The following PIK3R1 variants were observed in gnomAD, a reference collection of about 807,000 sequenced individuals.
PIK3R1 encodes the protein phosphatidylinositol 3-kinase regulatory subunit alpha.
Under a neutral mutation model 98.0 loss-of-function variants are expected in PIK3R1, and 29 were observed. The ratio of observed to expected loss-of-function variants is 0.30; its 90% CI spans 0.22 to 0.40. The LOEUF is 0.40. PIK3R1 is among the 10% of genes least tolerant of loss of function. The pLI, the probability that PIK3R1 is intolerant of heterozygous loss-of-function variation, is 1.00. For missense variants in PIK3R1, 596 were observed against 872.7 expected (o/e 0.68, Z 3.99); for synonymous variants, 282 against 311.8 (o/e 0.90, Z 1.01).
rs80193740 is a variant in PIK3R1, at chr5:68,300,378, C to T, written c.*2777C>T. ...GACAGTCCTAACAATATTGTCTGAACGGCTGAATATGAATAGATACAGCAG... is the reference window on the plus strand; with the variant it reads ...GACAGTCCTAACAATATTGTCTGAATGGCTGAATATGAATAGATACAGCAG... On this transcript the variant is annotated 3_prime_UTR_variant, in exon 16 of 16. Transcript: ENST00000521381. 0.014 allele frequency: 3,239 copies of T among 232,762 alleles called. 35 individuals carry two copies. Among genetic ancestry groups the T allele is most frequent in the Middle Eastern group, 0.023 (18 of 786 alleles). 14.4% of individuals were successfully genotyped at this position (232,762 alleles called of 1,614,324 possible).
At chr5:68,261,872 C>T (rs1029283481) in intron 2 of PIK3R1, among the ~76,000 whole-genome samples, 2 of 152,118 alleles carry the variant, frequency 1.3e-5, no homozygotes, top group African/African-American at 4.8e-5. Context: ...AACTCCCTCC[C>T]GTGGTTCAGA....
At chr5:68,295,636 C>T (rs1256278181) in intron 14 of PIK3R1, 148 bp downstream of exon 14, 1 of 679,754 alleles carries the variant, frequency 1.5e-6, no homozygotes, top group Non-Finnish European at 2.6e-6. Context: ...TGCCATTATC[C>T]AGAATTTTAA....
chr5:68,257,857 T>C (rs1477270145), intron 2 of PIK3R1, among the ~76,000 whole-genome samples: 1 of 152,234 alleles, frequency 6.6e-6, no homozygotes, highest in African/African-American at 2.4e-5. Flanking sequence ...TAATTTTTGA[T>C]TCAGTACCTT....
chr5:68,222,578 G>A (rs1009488797), intron 1 of PIK3R1, among the ~76,000 whole-genome samples: 8 of 152,134 alleles, frequency 5.3e-5, no homozygotes, highest in South Asian at 2.1e-4. Flanking sequence ...GACTTCTTTC[G>A]CAGGGACACA....
At position 68,299,912 on chromosome 5, in the gene PIK3R1, G is replaced by A. The variant is rs955084026; in HGVS notation, c.*2311G>A. ...ACAACTGACGATTTCCCTGGTTTTA[G>A]TCTGCGTCTCTGCTTTAAAGTTATT... On this transcript the variant is annotated 3_prime_UTR_variant, in exon 16 of 16. Coordinates refer to ENST00000521381, the MANE Select transcript of PIK3R1 (RefSeq NM_181523.3). 1 of 233,024 alleles carries A rather than the reference G, an allele frequency of 4.3e-6. No homozygotes were observed. The highest frequency in any genetic ancestry group is 2.2e-5 in the African/African-American group (1 of 45,312). 14.4% of individuals were successfully genotyped at this position (233,024 alleles called of 1,614,324 possible). A position where few individuals can be genotyped will look rare whatever the true frequency, so the allele number is the denominator to read the frequency against.
chr5:68,292,719 G>T (rs1370455603), intron 8 of PIK3R1: 5 of 1,272,320 alleles, frequency 3.9e-6, no homozygotes, highest in Non-Finnish European at 3.0e-6. Context: ...GCTTTGGGAA[G>T]GGGGAGTAAG....
In PIK3R1 at chr5:68,226,348, A is replaced by G; in HGVS notation, c.-328A>G. The G allele has an allele frequency of 2.3e-6, 1 of 441,950 alleles. No homozygotes were observed. Among genetic ancestry groups the G allele is most frequent in the East Asian group, 3.2e-5 (1 of 31,662 alleles). The allele number at this position is 441,950 out of a possible 1,614,324, so 27.4% of individuals were successfully genotyped here. On this transcript the variant is annotated 5_prime_UTR_variant, in exon 2 of 16. Transcript: ENST00000521381. ...CAGACGACAGATGGACAGTGTGACA[A>G]AAGTGTCAGAAAGGATTGGGCCTCG...
In PIK3R1 at chr5:68,255,515, A is replaced by C. The variant is rs76696690; in HGVS notation, c.335-17875A>C. Among the ~76,000 whole-genome samples the C allele has an allele frequency of 3.5e-3, 539 of 152,302 alleles. 3 individuals carry two copies. Among genetic ancestry groups the C allele is most frequent in the African/African-American group, 0.013 (528 of 41,566 alleles). ...TGCATTAATTTGAAGCCCTGCCCCC[A>C]AAAATAGTGCTTGGGGGGGAAATGA... is the stretch of plus-strand genomic sequence containing the variant. On this transcript the variant is annotated intron_variant, in intron 2 of 15. Transcript: ENST00000521381.
chr5:68,271,672 G>A (rs114969018), intron 2 of PIK3R1, among the ~76,000 whole-genome samples: 1 of 152,308 alleles, frequency 6.6e-6, no homozygotes, highest in African/African-American at 2.4e-5. Flanking sequence ...GAGCACAGCT[G>A]TAGAACATTT....
intron 2 of PIK3R1, among the ~76,000 whole-genome samples, chr5:68,261,583 C>G (rs1042060669): frequency 3.3e-5 from 5 of 151,744 alleles, no homozygotes; most frequent in Non-Finnish European, 7.4e-5. Context: ...TTAAATGGCC[C>G]CAAAAAGTAA....
chr5:68,273,946 A>G lies in PIK3R1; in HGVS notation c.435A>G (p.Glu145=). ...GTCTGTTTTGTGTCCTAGGTCTGGA[A>G]TGTTCAACTCTATACAGAACACAGA... ...LVEAIEKKGL[E]CSTLYRTQSS... Residue 145 remains glutamate (E), a synonymous_variant, in exon 4 of 16, where the codon GAA becomes GAG. Coordinates refer to ENST00000521381, the MANE Select transcript of PIK3R1 (RefSeq NM_181523.3). 1.2e-6 allele frequency: 2 copies of G among 1,613,634 alleles called. No individual in the cohort carries two copies. Among genetic ancestry groups the G allele is most frequent in the Non-Finnish European group, 1.7e-6 (2 of 1,179,532 alleles).
At chr5:68,253,864 G>A (rs1158189813) in intron 2 of PIK3R1, among the ~76,000 whole-genome samples, 2 of 152,110 alleles carry the variant, frequency 1.3e-5, no homozygotes, top group Admixed American at 1.3e-4. Context: ...ACTTGACTAA[G>A]CAGGTGGAAA....
At chr5:68,223,225 C>T (rs970791129) in intron 1 of PIK3R1, among the ~76,000 whole-genome samples, 3 of 151,996 alleles carry the variant, frequency 2.0e-5, no homozygotes, top group Non-Finnish European at 2.9e-5. Flanking sequence ...TCAAGAATGA[C>T]AGACGTCAAA....
chr5:68,296,957 G>T (rs1747751091), intron 15 of PIK3R1, among the ~76,000 whole-genome samples: 1 of 152,224 alleles, frequency 6.6e-6, no homozygotes, highest in Non-Finnish European at 1.5e-5. Flanking sequence ...AAGGGCACAT[G>T]CAGAGATGGA....
intron 2 of PIK3R1, among the ~76,000 whole-genome samples, chr5:68,238,766 A>G (rs935291478): frequency 3.9e-5 from 6 of 152,190 alleles, no homozygotes; most frequent in African/African-American, 9.7e-5. Context: ...CAGGGAACCA[A>G]GTGAAATAGA....
intron 1 of PIK3R1, chr5:68,217,531 A>G (rs1167568058): frequency 6.6e-6 from 1 of 152,218 alleles, no homozygotes; most frequent in Non-Finnish European, 1.5e-5. Context: ...ACCGTTTAGA[A>G]GAAAGCAGAT....
At chr5:68,231,536 T>G (rs542442561) in intron 2 of PIK3R1, among the ~76,000 whole-genome samples, 2 of 152,350 alleles carry the variant, frequency 1.3e-5, no homozygotes, top group African/African-American at 2.4e-5. Flanking sequence ...CCTTCATGGT[T>G]GTTGTTCCCT....
At position 68,299,146 on chromosome 5, in the gene PIK3R1, T is replaced by G. The variant is rs1395398000; in HGVS notation, c.*1545T>G. On this transcript the variant is annotated 3_prime_UTR_variant, in exon 16 of 16. Transcript: ENST00000521381. ...GGGTTCCTGGAACAGCGCTCACCTT[T>G]GTTTAGAACACTGGTTTAAAGGGAT... 4.3e-6 allele frequency: 1 copy of G among 233,640 alleles called. No individual in the cohort carries two copies. The highest frequency in any genetic ancestry group is 8.5e-6 in the Non-Finnish European group (1 of 118,022). The allele number at this position is 233,640 out of a possible 1,614,324, so 14.5% of individuals were successfully genotyped here. A position where few individuals can be genotyped will look rare whatever the true frequency, so the allele number is the denominator to read the frequency against.
chr5:68,259,753 G>A (rs1044753390), intron 2 of PIK3R1, among the ~76,000 whole-genome samples: 3 of 152,158 alleles, frequency 2.0e-5, no homozygotes, highest in African/African-American at 7.2e-5. Flanking sequence ...GTCCAAAGTA[G>A]TGCATTGAGC....
Sources: allele counts gnomAD v4.1 joint callset (sites outside exome capture counted in the v4.1 genomes callset), GRCh38; gene constraint gnomAD v4.1.1; transcripts MANE v1.5; gene names NCBI Gene and HGNC (gene_info 2026-07-23, HGNC 2026-07-21).